COG5: variants seen among roughly 807,000 people sequenced by gnomAD.
COG5 encodes component of oligomeric golgi complex 5.
A neutral mutation model predicts 110.4 loss-of-function variants in COG5; 86 were observed. The ratio of observed to expected loss-of-function variants is 0.78; its 90% CI spans 0.65 to 0.93. The LOEUF is 0.93. COG5 is among the 40% of genes least tolerant of loss of function. The pLI is 0.00. For missense variants in COG5, 1,077 were observed against 987.0 expected, an observed-to-expected ratio of 1.09 and a Z score of -1.22; for synonymous variants, 360 against 334.6, an observed-to-expected ratio of 1.08 and a Z score of -0.83.
intron 7 of COG5, among the ~76,000 whole-genome samples, chr7:107,400,864 A>C (rs944011595): frequency 4.6e-5 from 7 of 152,214 alleles, no homozygotes; most frequent in Non-Finnish European, 7.4e-5. Context: ...GTCATACTTT[A>C]CATTTGGTGT....
intron 5 of COG5, among the ~76,000 whole-genome samples, chr7:107,543,819 A>G (rs1274694537): frequency 6.6e-6 from 1 of 152,108 alleles, no homozygotes; most frequent in Non-Finnish European, 1.5e-5. Flanking sequence ...ACTCCAACAG[A>G]CACAAAGTTC....
At chr7:107,318,578 G>A (rs1808970612) in intron 11 of COG5, among the ~76,000 whole-genome samples, 1 of 152,014 alleles carries the variant, frequency 6.6e-6, no homozygotes. Context: ...CACAGTTCTG[G>A]AGGCTACATA....
At chr7:107,299,103 A>C (rs1487213042) in intron 11 of COG5, among the ~76,000 whole-genome samples, 1 of 152,170 alleles carries the variant, frequency 6.6e-6, no homozygotes, top group Admixed American at 6.5e-5. Flanking sequence ...TCAATGACCT[A>C]AACTTCCATT....
chr7:107,328,306 TAA>T (rs1403816383), intron 10 of COG5, among the ~76,000 whole-genome samples: 5 of 152,204 alleles, frequency 3.3e-5, no homozygotes, highest in African/African-American at 1.2e-4. Context: ...TTTGTGTATC[TAA>T]ACATCAAAAA....
intron 7 of COG5, among the ~76,000 whole-genome samples, chr7:107,406,773 T>C (rs1053238053): frequency 1.3e-5 from 2 of 152,196 alleles, no homozygotes; most frequent in African/African-American, 4.8e-5. Flanking sequence ...TTGAGTCCCA[T>C]GACTCTAAAA....
At position 107,360,906 on chromosome 7, in the gene COG5, C is replaced by T. The variant is rs185519390; in HGVS notation, c.1026+1127G>A. Among the ~76,000 whole-genome samples the T allele has an allele frequency of 2.0e-3, 308 of 152,270 alleles. 2 individuals carry two copies. The highest frequency in any genetic ancestry group is 7.0e-3 in the African/African-American group (290 of 41,552). On this transcript the variant is annotated intron_variant, in intron 10 of 21. Coordinates refer to ENST00000297135, the MANE Select transcript of COG5 (RefSeq NM_006348.5). ...GCGGAACGAGCCCAGCGGGCATGAG[C>T]GATATTCAGGCAGAAGGCACCACTG...
At chr7:107,368,615 C>T (rs1427092234) in intron 8 of COG5, among the ~76,000 whole-genome samples, 1 of 152,018 alleles carries the variant, frequency 6.6e-6, no homozygotes, top group Non-Finnish European at 1.5e-5. Context: ...TCTTAAAATT[C>T]CATTTATGCC....
At chr7:107,312,170 A>G (rs990606162) in intron 11 of COG5, among the ~76,000 whole-genome samples, 3 of 146,064 alleles carry the variant, frequency 2.1e-5, no homozygotes, top group African/African-American at 7.4e-5. Context: ...GGTCTCCTTT[A>G]GCTTATGTCT....
Position 107,203,136 on chromosome 7 carries a change from A to AC in COG5, c.*379_*380insG. 4.1e-6 allele frequency: 1 copy of AC among 245,168 alleles called. No individual in the cohort carries two copies. The highest frequency in any genetic ancestry group is 5.3e-5 in the South Asian group (1 of 18,752). The allele number at this position is 245,168 out of a possible 1,614,324, so 15.2% of individuals were successfully genotyped here. A position where few individuals can be genotyped will look rare whatever the true frequency, so the allele number is the denominator to read the frequency against. On this transcript the variant is annotated 3_prime_UTR_variant, in exon 22 of 22. Coordinates refer to ENST00000297135, the MANE Select transcript of COG5 (RefSeq NM_006348.5). ...ACTGAGCTACATGCTTATTTAGTGA[A>AC]GAAGGCAGGGTTGGGGGAAGCAGGG...
At chr7:107,287,008 C>G (rs546064006) in intron 12 of COG5, among the ~76,000 whole-genome samples, 1 of 152,102 alleles carries the variant, frequency 6.6e-6, no homozygotes, top group African/African-American at 2.4e-5. Context: ...GAATAACATA[C>G]GAGAAGCAGG....
intron 14 of COG5, among the ~76,000 whole-genome samples, chr7:107,267,473 T>G (rs1183245626): frequency 6.6e-6 from 1 of 152,236 alleles, no homozygotes; most frequent in Non-Finnish European, 1.5e-5. Flanking sequence ...TTTTAATTAT[T>G]TGAAAAAGAA....
intron 6 of COG5, among the ~76,000 whole-genome samples, chr7:107,478,077 T>C (rs1193255562): frequency 6.6e-6 from 1 of 151,882 alleles, no homozygotes; most frequent in African/African-American, 2.4e-5. Context: ...TTCTACATAG[T>C]TAATTGGGTC....
At chr7:107,220,419 T>C (rs1799830524) in intron 19 of COG5, among the ~76,000 whole-genome samples, 2 of 152,240 alleles carry the variant, frequency 1.3e-5, no homozygotes, top group African/African-American at 2.4e-5. Flanking sequence ...TCACATGGTG[T>C]GACCTTAAGT....
intron 5 of COG5, among the ~76,000 whole-genome samples, chr7:107,531,216 T>G (rs1039432029): frequency 2.6e-5 from 4 of 152,232 alleles, no homozygotes; most frequent in Non-Finnish European, 5.9e-5. Flanking sequence ...ATTCCCTTGA[T>G]GCAGTTTAAC....
intron 3 of COG5, among the ~76,000 whole-genome samples, chr7:107,552,687 C>T (rs1050006483): frequency 6.6e-6 from 1 of 152,098 alleles, no homozygotes; most frequent in Non-Finnish European, 1.5e-5. Flanking sequence ...TGGGAAGGTA[C>T]AGCCACTGTG....
intron 14 of COG5, among the ~76,000 whole-genome samples, chr7:107,268,537 A>C (rs1803985903): frequency 1.3e-5 from 2 of 152,214 alleles, no homozygotes; most frequent in Non-Finnish European, 1.5e-5. Flanking sequence ...TCTCAAGAGA[A>C]GTAGTTTTAA....
chr7:107,417,570 GAC>G lies in COG5; in HGVS notation c.539-4940_539-4939del, dbSNP rs559730906. ...ATTATTTTCTTGGGAGAGAATCAAA[GAC>G]AGAATTATTGGATCAAAGTAACACG... On this transcript the variant is annotated intron_variant, in intron 6 of 21. Transcript: ENST00000297135. 1.8e-3 allele frequency among the ~76,000 whole-genome samples: 267 copies of G among 152,160 alleles called. 1 individual carries two copies. Among genetic ancestry groups the G allele is most frequent in the Admixed American group, 2.8e-3 (43 of 15,288 alleles).
intron 17 of COG5, among the ~76,000 whole-genome samples, chr7:107,246,246 CA>C (rs1802048282): frequency 6.6e-6 from 1 of 151,994 alleles, no homozygotes; most frequent in African/African-American, 2.4e-5. Flanking sequence ...ATGCAAAACC[CA>C]AAACTATAAA....
intron 8 of COG5, among the ~76,000 whole-genome samples, chr7:107,371,432 T>A (rs1814155247): frequency 6.6e-6 from 1 of 152,106 alleles, no homozygotes; most frequent in South Asian, 2.1e-4. Context: ...TATATTTTTT[T>A]AAATAAAAAA....
Sources: gnomAD v4.1 joint callset for allele counts (sites outside exome capture counted in the v4.1 genomes callset) on GRCh38, gnomAD v4.1.1 for gene constraint, MANE v1.5 for transcripts, NCBI Gene and HGNC (gene_info 2026-07-23, HGNC 2026-07-21) for gene names.